Variants in ANKIB1 observed in about 807,000 individuals in gnomAD.
The protein encoded by ANKIB1 is ankyrin repeat and IBR domain containing 1, also known as ankyrin repeat and IBR domain-containing protein 1.
In ANKIB1, 43 loss-of-function variants were observed where a neutral mutation model predicts 122.1. That is an observed-to-expected ratio of 0.35 (90% CI 0.28 to 0.45). ANKIB1 has a LOEUF of 0.45. Among genes scored for constraint, ANKIB1 ranks in the 20% least tolerant of loss-of-function variants. The pLI is 1.00. For missense variants in ANKIB1, 992 were observed against 1,329.5 expected, an observed-to-expected ratio of 0.75 and a Z score of 3.95; for synonymous variants, 390 against 442.0, an observed-to-expected ratio of 0.88 and a Z score of 1.48.
In ANKIB1 at chr7:92,381,024, A is replaced by G. The variant is rs143007341; in HGVS notation, c.1618-5485A>G. ...AAAACCTTGAAAAAAGATTAGATGAATGGCTAACTAGAATAAACAGTGTAG... is the reference window on the plus strand; with the variant it reads ...AAAACCTTGAAAAAAGATTAGATGAGTGGCTAACTAGAATAAACAGTGTAG... On this transcript the variant is annotated intron_variant, in intron 11 of 19. Coordinates refer to ENST00000265742, the MANE Select transcript of ANKIB1 (RefSeq NM_019004.2). Among the ~76,000 whole-genome samples the G allele has an allele frequency of 5.2e-3, 785 of 152,290 alleles. 7 individuals carry two copies. Among genetic ancestry groups the G allele is most frequent in the African/African-American group, 0.018 (745 of 41,558 alleles).
At chr7:92,298,178 TTTGTTCTCAATAGA>T (rs1802393638) in intron 2 of ANKIB1, among the ~76,000 whole-genome samples, 1 of 152,098 alleles carries the variant, frequency 6.6e-6, no homozygotes, top group Non-Finnish European at 1.5e-5. Flanking sequence ...AGACACCTAG[TTTGTTCTCAATAGA>T]TTGTGGATTA....
chr7:92,352,682 CT>C lies in ANKIB1; in HGVS notation c.1397+43del, dbSNP rs756819564. The C allele has an allele frequency of 1.2e-5, 18 of 1,563,754 alleles. No individual in the cohort carries two copies. The African/African-American group carries it at 2.1e-4, about 18-fold the overall frequency. ...AGTTGGAATCAGCCTAATCACCTTT[CT>C]TTCCAATAGTTATTAAAGACTTTGC... is the stretch of plus-strand genomic sequence containing the variant. On this transcript the variant is annotated intron_variant, in intron 9 of 19. Coordinates refer to ENST00000265742, the MANE Select transcript of ANKIB1 (RefSeq NM_019004.2).
rs1162113763 is a variant in ANKIB1, at chr7:92,309,942, A to AATATATATATAT, written c.486+2296_486+2307dup. Among the ~76,000 whole-genome samples, 13 of 91,764 alleles carry AATATATATATAT rather than the reference A, an allele frequency of 1.4e-4. No individual in the cohort carries two copies. The East Asian group carries it at 2.8e-3, about 19-fold the overall frequency. The allele number at this position is 91,764 out of a possible 152,430, so 60.2% of individuals were successfully genotyped here. On this transcript the variant is annotated intron_variant, in intron 3 of 19. Transcript: ENST00000265742. ...TCCATCTAAAAAAAAAAAAAAAAAA[A>AATATATATATAT]ATATATATATATATATATATAAATT...
chr7:92,268,041 A>G (rs866117380), intron 1 of ANKIB1, among the ~76,000 whole-genome samples: 3 of 152,302 alleles, frequency 2.0e-5, no homozygotes, highest in Middle Eastern at 3.4e-3. Flanking sequence ...TTGGTTTGCA[A>G]ACTTAACTAT....
chr7:92,333,817 AT>A (rs1466747903), intron 5 of ANKIB1, among the ~76,000 whole-genome samples: 1 of 152,208 alleles, frequency 6.6e-6, no homozygotes, highest in Non-Finnish European at 1.5e-5. Context: ...AGCATATTTA[AT>A]GTCTATCTGT....
chr7:92,295,237 A>G (rs1411987955), intron 2 of ANKIB1, 71 bp downstream of exon 2: 8 of 1,163,056 alleles, frequency 6.9e-6, no homozygotes, highest in Non-Finnish European at 7.9e-6. Flanking sequence ...GTGGTGAAAA[A>G]AAAGGAACTA....
intron 2 of ANKIB1, among the ~76,000 whole-genome samples, chr7:92,299,482 T>C (rs1331515600): frequency 6.6e-6 from 1 of 152,222 alleles, no homozygotes; most frequent in Admixed American, 6.5e-5. Flanking sequence ...ATTTTTGGTA[T>C]AGTATCAAAT....
chr7:92,361,815 G>GTTT (rs1400887262), intron 9 of ANKIB1, among the ~76,000 whole-genome samples: 1 of 140,708 alleles, frequency 7.1e-6, no homozygotes, highest in East Asian at 2.1e-4. Flanking sequence ...TACTTTTTTT[G>GTTT]TTTTTTTTTT....
intron 17 of ANKIB1, chr7:92,396,005 A>T: frequency 4.6e-6 from 1 of 219,274 alleles, no homozygotes; most frequent in Non-Finnish European, 8.9e-6. Flanking sequence ...AATAAAAAAT[A>T]AAAAACCTCC....
At chr7:92,313,765 A>G (rs1307285766) in intron 3 of ANKIB1, among the ~76,000 whole-genome samples, 3 of 152,158 alleles carry the variant, frequency 2.0e-5, no homozygotes, top group Non-Finnish European at 4.4e-5. Flanking sequence ...AGACCTTCAC[A>G]TTCTGAACGT....
At chr7:92,390,651 T>A (rs530104863) in intron 15 of ANKIB1, among the ~76,000 whole-genome samples, 2 of 152,242 alleles carry the variant, frequency 1.3e-5, no homozygotes, top group Non-Finnish European at 2.9e-5. Context: ...TCCCTTGAAC[T>A]GTCCTCTGCT....
intron 1 of ANKIB1, 85 bp downstream of exon 1, chr7:92,246,604 C>A (rs918011413): frequency 2.1e-6 from 1 of 475,386 alleles, no homozygotes; most frequent in Non-Finnish European, 4.2e-6. Context: ...CTACTTCACA[C>A]CCTCCCGGAT....
rs937354980 is a variant in ANKIB1, at chr7:92,399,810, G to A, written c.*861G>A. 3 of 152,054 alleles carry A rather than the reference G, an allele frequency of 2.0e-5. No individual in the cohort carries two copies. Among genetic ancestry groups the A allele is most frequent in the African/African-American group, 4.8e-5 (2 of 41,398 alleles). 9.4% of individuals were successfully genotyped at this position (152,054 alleles called of 1,614,324 possible). A position where few individuals can be genotyped will look rare whatever the true frequency, so the allele number is the denominator to read the frequency against. On this transcript the variant is annotated 3_prime_UTR_variant, in exon 20 of 20. Coordinates refer to ENST00000265742, the MANE Select transcript of ANKIB1 (RefSeq NM_019004.2). ...TAAAATACAGTTGATTAGCAACAGC[G>A]GTGCTGTATTTTAAGAGACACTTTA...
chr7:92,338,231 G>A (rs1803332959), intron 5 of ANKIB1, among the ~76,000 whole-genome samples: 1 of 151,314 alleles, frequency 6.6e-6, no homozygotes, highest in South Asian at 2.1e-4. Flanking sequence ...GCAACATAGT[G>A]AGACCTTGTC....
At chr7:92,366,235 C>T (rs1804081006) in intron 10 of ANKIB1, among the ~76,000 whole-genome samples, 2 of 152,012 alleles carry the variant, frequency 1.3e-5, no homozygotes, top group Admixed American at 1.3e-4. Context: ...TTCCCCCAAA[C>T]CCCCACCCCA....
chr7:92,330,562 G>T (rs1334114137), intron 5 of ANKIB1, among the ~76,000 whole-genome samples: 1 of 151,922 alleles, frequency 6.6e-6, no homozygotes, highest in Admixed American at 6.6e-5. Flanking sequence ...AATATTTTTG[G>T]CCGGGCGCAG....
intron 17 of ANKIB1, among the ~76,000 whole-genome samples, chr7:92,395,351 CTAAATAA>C (rs1804864112): frequency 6.6e-6 from 1 of 152,098 alleles, no homozygotes; most frequent in Admixed American, 6.5e-5. Context: ...AGAAAAGAAG[CTAAATAA>C]TCATCTTATT....
intron 1 of ANKIB1, among the ~76,000 whole-genome samples, chr7:92,286,957 GC>G (rs1802143780): frequency 6.6e-6 from 1 of 152,166 alleles, no homozygotes; most frequent in Admixed American, 6.5e-5. Flanking sequence ...ATCAGCTGTT[GC>G]CTGATTAACC....
rs1337032846 is a variant in ANKIB1 at position 92,391,267 on chromosome 7, G to A, written c.2154G>A (p.Gln718=). Residue 718 remains glutamine (Q), a synonymous_variant, in exon 16 of 20, where the codon CAG becomes CAA. Coordinates refer to ENST00000265742, the MANE Select transcript of ANKIB1 (RefSeq NM_019004.2). ...HKIIKAACLV[Q]QKRQEFLASV... is the part of the protein sequence containing the mutation. ...TCATCAAAGCAGCATGCCTTGTACA[G>A]CAGAAGAGGCAAGAATTCCTGGCAT... 1 of 1,613,330 alleles carries A rather than the reference G, an allele frequency of 6.2e-7. No individual in the cohort carries two copies. Among genetic ancestry groups the A allele is most frequent in the African/African-American group, 1.3e-5 (1 of 74,818 alleles).
Sources: gnomAD v4.1 joint callset for allele counts (sites outside exome capture counted in the v4.1 genomes callset) on GRCh38, gnomAD v4.1.1 for gene constraint, MANE v1.5 for transcripts, NCBI Gene and HGNC (gene_info 2026-07-23, HGNC 2026-07-21) for gene names.